Variants in RBFOX1 observed in about 807,000 individuals in gnomAD.
The protein encoded by RBFOX1 is RNA binding fox-1 homolog 1, also known as RNA binding protein fox-1 homolog 1.
In RBFOX1, 8 loss-of-function variants were observed where a neutral mutation model predicts 57.7. The ratio of observed to expected loss-of-function variants is 0.14; its 90% CI spans 0.08 to 0.25. The LOEUF (loss-of-function observed/expected upper bound fraction) is 0.25. Ranked by LOEUF, RBFOX1 falls within the 10% of genes least tolerant of loss-of-function variation. The pLI is 1.00. For synonymous variants in RBFOX1, 326 were observed against 222.4 expected (o/e 1.47, Z -4.15); for missense variants, 611 against 548.5 (o/e 1.11, Z -1.14).
chr16:6,733,066 G>A (rs542889405), intron 3 of RBFOX1, among the ~76,000 whole-genome samples: 64 of 151,956 alleles, frequency 4.2e-4, no homozygotes, highest in Non-Finnish European at 5.6e-4. Context: ...CAACATCTAG[G>A]GCTCCCTCTT....
chr16:5,885,835 G>A (rs11076985), intron 4 of RBFOX1, among the ~76,000 whole-genome samples: 1 of 151,906 alleles, frequency 6.6e-6, no homozygotes, highest in Non-Finnish European at 1.5e-5. Context: ...GCTCTGAACT[G>A]TTCCACCTAC....
Position 5,980,799 on chromosome 16 carries a change from C to T in RBFOX1, c.351+113464C>T, listed in dbSNP as rs559473822. On this transcript the variant is annotated intron_variant, in intron 4 of 19. Coordinates refer to the RBFOX1 transcript ENST00000641259. Reference sequence around the variant, plus strand: ...AATGCCTCTTAAATCCTTCTAATGTCCCCTTTTAGCACCAGAGGGAGCAGA... The same window carrying T: ...AATGCCTCTTAAATCCTTCTAATGTTCCCTTTTAGCACCAGAGGGAGCAGA... Among the ~76,000 whole-genome samples the T allele has an allele frequency of 2.0e-5, 3 of 152,184 alleles. No individual in the cohort carries two copies. The South Asian group carries it at 6.2e-4, about 32-fold the overall frequency.
intron 4 of RBFOX1, among the ~76,000 whole-genome samples, chr16:6,009,802 A>ATGTGTGTGTCTG (rs1555469411): frequency 3.4e-5 from 2 of 58,562 alleles, no homozygotes; most frequent in African/African-American, 1.8e-4. Context: ...CAGTGTGTGT[A>ATGTGTGTGTCTG]TGTGTGTGTG....
chr16:7,018,944 C>G (rs561949925), intron 3 of RBFOX1, among the ~76,000 whole-genome samples: 2 of 152,136 alleles, frequency 1.3e-5, no homozygotes, highest in East Asian at 3.9e-4. Flanking sequence ...CACAGTGAGA[C>G]CTCGTCTCTA....
intron 1 of RBFOX1, among the ~76,000 whole-genome samples, chr16:5,462,400 C>A (rs536366309): frequency 6.6e-6 from 1 of 152,098 alleles, no homozygotes; most frequent in South Asian, 2.1e-4. Flanking sequence ...GATCTCCTGA[C>A]CTCGTGATCC....
intron 1 of RBFOX1, among the ~76,000 whole-genome samples, chr16:6,172,375 C>CA (rs1245694531): frequency 6.6e-6 from 1 of 152,170 alleles, no homozygotes; most frequent in African/African-American, 2.4e-5. Flanking sequence ...CTCTGAAGCC[C>CA]AACCTCTGCT....
At chr16:6,758,446 C>T (rs555613061) in intron 3 of RBFOX1, among the ~76,000 whole-genome samples, 12 of 152,096 alleles carry the variant, frequency 7.9e-5, no homozygotes, top group South Asian at 6.2e-4. Flanking sequence ...TACAATTGAA[C>T]CCAGTTTGTA....
At chr16:7,709,437 C>G in intron 15 of RBFOX1, 1 of 1,349,092 alleles carries the variant, frequency 7.4e-7, no homozygotes, top group Non-Finnish European at 9.8e-7. Context: ...AATGCAGTGT[C>G]AATGCAGAAC....
chr16:7,354,239 G>A (rs1413813735), intron 4 of RBFOX1, among the ~76,000 whole-genome samples: 3 of 152,144 alleles, frequency 2.0e-5, no homozygotes, highest in Non-Finnish European at 4.4e-5. Flanking sequence ...CCACACTGCT[G>A]CGATTACAGG....
chr16:7,540,858 C>T (rs1279516420), intron 5 of RBFOX1, among the ~76,000 whole-genome samples: 2 of 152,182 alleles, frequency 1.3e-5, no homozygotes, highest in South Asian at 4.1e-4. Flanking sequence ...TATCACTTTC[C>T]TTAAACCCTA....
chr16:5,717,762 TG>T (rs2051767471), intron 3 of RBFOX1, among the ~76,000 whole-genome samples: 2 of 152,238 alleles, frequency 1.3e-5, no homozygotes, highest in African/African-American at 4.8e-5. Context: ...AATTCTTGTT[TG>T]CAAGAAGATT....
At chr16:5,423,291 T>C (rs2067410969) in intron 1 of RBFOX1, among the ~76,000 whole-genome samples, 1 of 152,116 alleles carries the variant, frequency 6.6e-6, no homozygotes, top group Admixed American at 6.5e-5. Flanking sequence ...ATCTGTTCAC[T>C]AAACCACAGA....
chr16:6,782,868 C>T (rs1364741683), intron 3 of RBFOX1, among the ~76,000 whole-genome samples: 1 of 152,108 alleles, frequency 6.6e-6, no homozygotes, highest in South Asian at 2.1e-4. Flanking sequence ...GGGTCTGTTT[C>T]TCTCTTTATC....
chr16:7,043,112 G>A (rs879295411), intron 3 of RBFOX1, among the ~76,000 whole-genome samples: 1 of 145,630 alleles, frequency 6.9e-6, no homozygotes, highest in African/African-American at 2.6e-5. Context: ...CTGTATCCTT[G>A]GGGAGGTCCT....
At chr16:6,173,613 T>TTTTTTTTTTTTTTTTTTTTTTTTTTC in intron 1 of RBFOX1, among the ~76,000 whole-genome samples, 1 of 140,466 alleles carries the variant, frequency 7.1e-6, no homozygotes, top group African/African-American at 2.7e-5. Context: ...CCTTTTTTTT[T>TTTTTTTTTTTTTTTTTTTTTTTTTTC]TTTTTTTTTT....
chr16:7,182,962 T>G (rs998366841), intron 4 of RBFOX1, among the ~76,000 whole-genome samples: 1 of 152,208 alleles, frequency 6.6e-6, no homozygotes, highest in South Asian at 2.1e-4. Context: ...ATATGCACCT[T>G]CCCACACTGG....
intron 3 of RBFOX1, among the ~76,000 whole-genome samples, chr16:6,925,185 G>C (rs1366916215): frequency 4.4e-5 from 5 of 114,462 alleles, no homozygotes; most frequent in African/African-American, 1.7e-4. Context: ...CTAGACTGGA[G>C]TGCAGTGGTA....
intron 4 of RBFOX1, among the ~76,000 whole-genome samples, chr16:5,895,403 C>G (rs1380967092): frequency 6.6e-6 from 1 of 152,226 alleles, no homozygotes; most frequent in Non-Finnish European, 1.5e-5. Flanking sequence ...GGAGCTGGAT[C>G]TTAGTCAACT....
intron 3 of RBFOX1, among the ~76,000 whole-genome samples, chr16:5,773,115 A>C (rs1206330730): frequency 5.3e-5 from 8 of 152,220 alleles, no homozygotes; most frequent in Admixed American, 5.2e-4. Flanking sequence ...GATTTTGAGC[A>C]GTAGACAGGT....
Sources: allele counts gnomAD v4.1 joint callset (sites outside exome capture counted in the v4.1 genomes callset), GRCh38; gene constraint gnomAD v4.1.1; transcripts MANE v1.5; gene names NCBI Gene and HGNC (gene_info 2026-07-23, HGNC 2026-07-21).